The following CTNNA2 variants were observed in gnomAD, a reference collection of about 807,000 sequenced individuals.
CTNNA2 encodes catenin alpha 2, also known as catenin alpha-2.
A neutral mutation model predicts 101.0 loss-of-function variants in CTNNA2; 42 were observed. The observed-to-expected ratio is 0.42, with a 90% CI of 0.32 to 0.54. The LOEUF (loss-of-function observed/expected upper bound fraction) is 0.54. CTNNA2 is among the 20% of genes least tolerant of loss of function. The probability of loss-of-function intolerance (pLI) is 0.14; values close to 1 mark genes in which losing one functional copy is unlikely to be tolerated. For synonymous variants in CTNNA2, 450 were observed against 456.4 expected (o/e 0.99, Z 0.18); for missense variants, 871 against 1,223.1 (o/e 0.71, Z 4.29).
intron 7 of CTNNA2, among the ~76,000 whole-genome samples, chr2:80,087,303 A>T (rs1304928309): frequency 6.6e-6 from 1 of 152,042 alleles, no homozygotes; most frequent in Non-Finnish European, 1.5e-5. Flanking sequence ...ACAGAACATC[A>T]CTGGACAACT....
intron 2 of CTNNA2, among the ~76,000 whole-genome samples, chr2:79,216,638 G>C (rs1003541440): frequency 6.6e-6 from 1 of 151,772 alleles, no homozygotes; most frequent in Non-Finnish European, 1.5e-5. Context: ...ATGCAGAGAA[G>C]GGGTTGGGGG....
intron 8 of CTNNA2, among the ~76,000 whole-genome samples, chr2:80,405,589 A>G (rs529986601): frequency 3.9e-5 from 6 of 152,326 alleles, no homozygotes; most frequent in Non-Finnish European, 8.8e-5. Context: ...GTCCAGCTCC[A>G]TGCCAGAAAC....
chr2:79,921,726 CTGCTGGTTTGAA>C lies in CTNNA2; in HGVS notation c.1056+11933_1056+11944del, dbSNP rs1186266663. Among the ~76,000 whole-genome samples, 129 of 152,190 alleles carry C rather than the reference CTGCTGGTTTGAA, an allele frequency of 8.5e-4. 1 individual carries two copies. The highest frequency in any genetic ancestry group is 4.4e-5 in the Non-Finnish European group (3 of 68,032). ...TGCTGACTTCAGTAATCTATTAACTCTGCTGGTTTGAATGCAGCTGAGAGACTTAGAGCATCA... is the reference window on the plus strand; with the variant it reads ...TGCTGACTTCAGTAATCTATTAACTCTGCAGCTGAGAGACTTAGAGCATCA... On this transcript the variant is annotated intron_variant, in intron 7 of 18. Transcript: ENST00000402739.
At chr2:79,214,088 G>T (rs1260887374) in intron 2 of CTNNA2, among the ~76,000 whole-genome samples, 3 of 152,124 alleles carry the variant, frequency 2.0e-5, no homozygotes, top group Non-Finnish European at 4.4e-5. Flanking sequence ...TTGAGGTTTG[G>T]GAGATTAGTC....
intron 7 of CTNNA2, among the ~76,000 whole-genome samples, chr2:80,283,043 G>A (rs1290404533): frequency 1.3e-5 from 2 of 152,024 alleles, no homozygotes; most frequent in Admixed American, 6.6e-5. Context: ...ATTAAAGAAG[G>A]CAGAATTTTG....
intron 2 of CTNNA2, among the ~76,000 whole-genome samples, chr2:79,279,710 C>G (rs963794760): frequency 3.3e-5 from 5 of 152,022 alleles, no homozygotes; most frequent in Non-Finnish European, 5.9e-5. Context: ...TTGGTAAGAC[C>G]ATGGGGCACA....
At chr2:79,796,381 C>G (rs7599749) in intron 3 of CTNNA2, among the ~76,000 whole-genome samples, 38,915 of 138,312 alleles carry the variant, frequency 0.28, 6,001 homozygotes, top group African/African-American at 0.45. Flanking sequence ...GGCGACAGAG[C>G]GAGACTCCGT....
chr2:79,979,190 C>A (rs776410734), intron 7 of CTNNA2, among the ~76,000 whole-genome samples: 25 of 152,058 alleles, frequency 1.6e-4, no homozygotes, highest in Non-Finnish European at 3.4e-4. Flanking sequence ...TTTTGACCAG[C>A]CTGGGCAGCA....
intron 3 of CTNNA2, among the ~76,000 whole-genome samples, chr2:79,756,436 T>C (rs932835305): frequency 6.6e-6 from 1 of 152,170 alleles, no homozygotes; most frequent in Non-Finnish European, 1.5e-5. Flanking sequence ...ACATACATTA[T>C]CTGCTAATAA....
chr2:79,421,424 A>G (rs1435261367), intron 4 of CTNNA2, among the ~76,000 whole-genome samples: 1 of 152,334 alleles, frequency 6.6e-6, no homozygotes, highest in African/African-American at 2.4e-5. Context: ...CTAGTAAAAA[A>G]TACCATTCAT....
At chr2:79,228,597 G>A (rs913286243) in intron 2 of CTNNA2, among the ~76,000 whole-genome samples, 1 of 151,926 alleles carries the variant, frequency 6.6e-6, no homozygotes. Context: ...TTTTAAATTG[G>A]ATTATTTGTT....
chr2:79,910,711 C>T (rs1200049492), intron 7 of CTNNA2, among the ~76,000 whole-genome samples: 3 of 152,180 alleles, frequency 2.0e-5, no homozygotes, highest in Admixed American at 2.0e-4. Flanking sequence ...AATCTGCTCA[C>T]AGCTACTGAA....
chr2:79,204,816 G>A (rs1674080927), intron 2 of CTNNA2, among the ~76,000 whole-genome samples: 1 of 152,186 alleles, frequency 6.6e-6, no homozygotes, highest in Non-Finnish European at 1.5e-5. Context: ...TGGCAGAAGA[G>A]CAGAAGAGAG....
chr2:80,356,671 C>CATTAAA (rs1224717391), intron 7 of CTNNA2, among the ~76,000 whole-genome samples: 2 of 152,072 alleles, frequency 1.3e-5, no homozygotes, highest in African/African-American at 2.4e-5. Context: ...TAAAATGTGC[C>CATTAAA]TGGCCATTTT....
intron 2 of CTNNA2, among the ~76,000 whole-genome samples, chr2:79,285,170 G>T (rs1257665506): frequency 6.6e-6 from 1 of 151,742 alleles, no homozygotes; most frequent in Non-Finnish European, 1.5e-5. Context: ...CTTGCTAGCG[G>T]TCTATCAATT....
At chr2:79,935,843 G>T (rs770525945) in intron 7 of CTNNA2, among the ~76,000 whole-genome samples, 1 of 152,158 alleles carries the variant, frequency 6.6e-6, no homozygotes, top group African/African-American at 2.4e-5. Context: ...TTTTTGAGTG[G>T]CATTTTTTTC....
intron 7 of CTNNA2, among the ~76,000 whole-genome samples, chr2:80,353,166 C>T (rs1237198313): frequency 3.3e-5 from 5 of 151,990 alleles, no homozygotes; most frequent in African/African-American, 1.2e-4. Flanking sequence ...AGTATTTCCC[C>T]TCCATTTAGA....
upstream of CTNNA2, among the ~76,000 whole-genome samples, chr2:79,512,301 G>T (rs1399531991): frequency 6.6e-6 from 1 of 152,284 alleles, no homozygotes; most frequent in East Asian, 1.9e-4. Context: ...ATCAAGAAAA[G>T]AATCACAATG....
intron 9 of CTNNA2, among the ~76,000 whole-genome samples, chr2:80,444,264 A>G (rs1682871182): frequency 6.6e-6 from 1 of 151,982 alleles, no homozygotes; most frequent in South Asian, 2.1e-4. Flanking sequence ...TTTTAGAAGT[A>G]TTAATTAGGC....
Sources: allele counts gnomAD v4.1 joint callset (sites outside exome capture counted in the v4.1 genomes callset), GRCh38; gene constraint gnomAD v4.1.1; transcripts MANE v1.5; gene names NCBI Gene and HGNC (gene_info 2026-07-23, HGNC 2026-07-21).